The following MAST4 variants were observed in gnomAD, a reference collection of about 807,000 sequenced individuals.
The protein encoded by MAST4 is microtubule-associated serine/threonine-protein kinase 4.
Under a neutral mutation model 162.7 loss-of-function variants are expected in MAST4, and 89 were observed. The ratio of observed to expected loss-of-function variants is 0.55; its 90% CI spans 0.46 to 0.65. The LOEUF is 0.65. Among genes scored for constraint, MAST4 ranks in the 30% least tolerant of loss-of-function variants. The pLI is 0.00. For synonymous variants in MAST4, 1,479 were observed against 1,361.1 expected (o/e 1.09, Z -1.91); for missense variants, 3,153 against 3,374.0 (o/e 0.93, Z 1.62).
At chr5:66,655,936 A>AT (rs1160975465) in intron 1 of MAST4, among the ~76,000 whole-genome samples, 1 of 152,164 alleles carries the variant, frequency 6.6e-6, no homozygotes, top group Admixed American at 6.5e-5. Flanking sequence ...CCCTGTATTT[A>AT]TTTTTTTAAC....
chr5:67,065,643 G>A (rs938715777), intron 5 of MAST4, among the ~76,000 whole-genome samples: 2 of 152,214 alleles, frequency 1.3e-5, no homozygotes, highest in South Asian at 4.1e-4. Context: ...AAGTTTAAAA[G>A]TCTGTATCTT....
At chr5:66,720,010 G>A (rs1208966424) in intron 1 of MAST4, among the ~76,000 whole-genome samples, 1 of 152,122 alleles carries the variant, frequency 6.6e-6, no homozygotes, top group African/African-American at 2.4e-5. Flanking sequence ...TGTAATAATA[G>A]TAATACCATT....
At chr5:67,135,988 GT>G (rs565242210) in intron 18 of MAST4, among the ~76,000 whole-genome samples, 6 of 151,134 alleles carry the variant, frequency 4.0e-5, no homozygotes, top group Admixed American at 6.6e-5. Flanking sequence ...ATTACTTTGG[GT>G]TTTTTTTTCT....
intron 4 of MAST4, among the ~76,000 whole-genome samples, chr5:66,965,737 T>C (rs972340003): frequency 3.9e-5 from 6 of 152,130 alleles, no homozygotes; most frequent in Non-Finnish European, 1.5e-5. Context: ...GAGATTGATA[T>C]AAACTTGAAA....
chr5:67,047,773 C>T (rs148400864), intron 4 of MAST4, among the ~76,000 whole-genome samples: 4 of 152,142 alleles, frequency 2.6e-5, no homozygotes, highest in Admixed American at 6.5e-5. Context: ...AGGATCCCAG[C>T]GAGTTTCTTA....
rs147807166 is a variant in MAST4, at chr5:66,896,886, A to G, written c.643-3065A>G. On this transcript the variant is annotated intron_variant, in intron 3 of 28. Transcript: ENST00000403625. ...GGGATCTTTTGGTAACCTCAGGTAT[A>G]TTGAGAGATCTCAAAAACAACAGGA... 5.3e-5 allele frequency among the ~76,000 whole-genome samples: 8 copies of G among 152,340 alleles called. No homozygotes were observed. In the East Asian group the frequency reaches 7.7e-4, roughly 15 times the overall value.
chr5:66,813,954 C>A (rs996959667), intron 3 of MAST4, among the ~76,000 whole-genome samples: 2 of 152,162 alleles, frequency 1.3e-5, no homozygotes, highest in African/African-American at 4.8e-5. Context: ...GTGATAAGGT[C>A]TTTAATTATC....
rs79100926 is a variant in MAST4 at position 67,154,899 on chromosome 5, G to A, written c.3648+1319G>A. ...GTGACTCTTGAAATCAGAGTATTAAGTGACTAGTGTCAGTGCTGGGCTCCT... is the reference window on the plus strand; with the variant it reads ...GTGACTCTTGAAATCAGAGTATTAAATGACTAGTGTCAGTGCTGGGCTCCT... On this transcript the variant is annotated intron_variant, in intron 26 of 28. Coordinates refer to ENST00000403625, the MANE Select transcript of MAST4 (RefSeq NM_001164664.2). Among the ~76,000 whole-genome samples the A allele has an allele frequency of 1.1e-4, 16 of 152,346 alleles. 1 individual carries two copies. In the East Asian group the frequency reaches 2.3e-3, roughly 22 times the overall value.
chr5:66,616,604 T>C (rs956367146), intron 1 of MAST4, among the ~76,000 whole-genome samples: 2 of 152,106 alleles, frequency 1.3e-5, no homozygotes, highest in Admixed American at 1.3e-4. Flanking sequence ...GGTGAAGGGC[T>C]TCTCTTCTGG....
intron 3 of MAST4, among the ~76,000 whole-genome samples, chr5:66,841,414 A>G (rs1208270796): frequency 6.6e-6 from 1 of 152,142 alleles, no homozygotes; most frequent in East Asian, 1.9e-4. Flanking sequence ...TGTCTTAGTC[A>G]GTTCTGGCTG....
chr5:66,994,025 T>C (rs1750354577), intron 4 of MAST4, among the ~76,000 whole-genome samples: 1 of 144,528 alleles, frequency 6.9e-6, no homozygotes, highest in Admixed American at 7.6e-5. Flanking sequence ...TGTAGAACAA[T>C]GGGGACCCAT....
Position 66,655,508 on chromosome 5 carries a change from A to G in MAST4, c.363+58490A>G, listed in dbSNP as rs74586218. Among the ~76,000 whole-genome samples, 20 of 152,300 alleles carry G rather than the reference A, an allele frequency of 1.3e-4. No individual in the cohort carries two copies. The East Asian group carries it at 2.1e-3, about 16-fold the overall frequency. On this transcript the variant is annotated intron_variant, in intron 1 of 28. Transcript: ENST00000403625. The stretch of plus-strand genomic sequence containing the variant: ...CTAGGAGTGAATTTGCCAGAGACCA[A>G]TGATCTCAATGCAATGCAACCTTTT...
At chr5:66,747,187 A>G (rs1752822010) in intron 1 of MAST4, among the ~76,000 whole-genome samples, 1 of 152,026 alleles carries the variant, frequency 6.6e-6, no homozygotes, top group East Asian at 1.9e-4. Flanking sequence ...CAGTCACGAG[A>G]TAGCAGTATC....
chr5:66,625,653 G>A (rs148614307), intron 1 of MAST4, among the ~76,000 whole-genome samples: 65 of 152,288 alleles, frequency 4.3e-4, no homozygotes, highest in Admixed American at 2.9e-3. Flanking sequence ...AAATGTTGGC[G>A]AGGATATGGA....
At position 66,596,713 on chromosome 5, in the gene MAST4, G is replaced by A; in HGVS notation, c.58G>A (p.Gly20Ser). The A allele has an allele frequency of 2.8e-6, 4 of 1,448,724 alleles. 1 individual carries two copies. In the South Asian group the frequency reaches 6.0e-5, roughly 22 times the overall value. 89.7% of individuals were successfully genotyped at this position (1,448,724 alleles called of 1,614,324 possible). A position where few individuals can be genotyped will look rare whatever the true frequency, so the allele number is the denominator to read the frequency against. ...EPVPRGCSGH[G>S]SRTPASALVA... ...GGTGCCCCGCGGCTGCAGTGGCCAC[G>A]GCAGCCGGACTCCAGCCTCTGCGCT... is the stretch of plus-strand genomic sequence containing the variant. Residue 20 changes from glycine to serine, a missense_variant, in exon 1 of 29, where the codon GGC (glycine) becomes AGC (serine). Physicochemically the swap from Gly to Ser is moderately conservative, Grantham distance 56. This residue lies in a region of MAST4 where 327 missense variants were observed against 336.5 expected (regional missense o/e 0.97). Transcript: ENST00000403625.
At chr5:67,153,794 T>C (rs1772140209) in intron 26 of MAST4, among the ~76,000 whole-genome samples, 2 of 152,214 alleles carry the variant, frequency 1.3e-5, no homozygotes. Flanking sequence ...TAATTTAATT[T>C]TGCTTCTCAT....
At chr5:66,797,125 G>A (rs1270937836) in intron 3 of MAST4, among the ~76,000 whole-genome samples, 1 of 152,214 alleles carries the variant, frequency 6.6e-6, no homozygotes, top group Non-Finnish European at 1.5e-5. Flanking sequence ...GGGTGGCACA[G>A]CTTGTCCTTC....
chr5:66,875,092 T>TG (rs758879906), intron 3 of MAST4, among the ~76,000 whole-genome samples: 57 of 152,352 alleles, frequency 3.7e-4, no homozygotes, highest in Admixed American at 1.8e-3. Flanking sequence ...AGCCTTATTA[T>TG]GCACTGAGTT....
chr5:66,633,020 C>G (rs950281751), intron 1 of MAST4, among the ~76,000 whole-genome samples: 3 of 151,874 alleles, frequency 2.0e-5, no homozygotes, highest in East Asian at 3.9e-4. Context: ...ATTCAAATAT[C>G]CTAAATTTAA....
Sources: allele counts gnomAD v4.1 joint callset (sites outside exome capture counted in the v4.1 genomes callset), GRCh38; gene constraint gnomAD v4.1.1; regional missense constraint gnomAD v4.1.1; transcripts MANE v1.5; gene names NCBI Gene and HGNC (gene_info 2026-07-23, HGNC 2026-07-21).